The following TMEM156 variants were observed in gnomAD, a reference collection of about 807,000 sequenced individuals.
The protein encoded by TMEM156 is transmembrane protein 156.
A neutral mutation model predicts 30.5 loss-of-function variants in TMEM156; 28 were observed. That is an observed-to-expected ratio of 0.92 (90% CI 0.68 to 1.26). The LOEUF is 1.26. Ranked by LOEUF, TMEM156 falls within the 50% of genes most tolerant of loss-of-function variation. TMEM156 has a pLI of 0.00. For synonymous variants in TMEM156, 137 were observed against 119.9 expected, an observed-to-expected ratio of 1.14 and a Z score of -0.93; for missense variants, 351 against 340.6, an observed-to-expected ratio of 1.03 and a Z score of -0.24.
chr4:39,012,207 ATACAT>A (rs1192568527), intron 1 of TMEM156, among the ~76,000 whole-genome samples: 1 of 152,248 alleles, frequency 6.6e-6, no homozygotes, highest in Non-Finnish European at 1.5e-5. Flanking sequence ...TATTAATGAA[ATACAT>A]TACATCAGTG....
intron 1 of TMEM156, among the ~76,000 whole-genome samples, chr4:39,026,040 C>G (rs887199156): frequency 1.3e-5 from 2 of 152,104 alleles, no homozygotes; most frequent in South Asian, 4.1e-4. Flanking sequence ...CTCTTAATTG[C>G]TTGAAACACA....
intron 2 of TMEM156, among the ~76,000 whole-genome samples, chr4:38,995,090 G>A (rs1712836146): frequency 6.6e-6 from 1 of 152,140 alleles, no homozygotes; most frequent in South Asian, 2.1e-4. Context: ...CATTGACTTG[G>A]AGATGCATCA....
At position 38,993,949 on chromosome 4, in the gene TMEM156, T is replaced by G; in HGVS notation, c.408A>C (p.Ser136=). ...CACTGAAGTTAAAGTGCTGACAAGG[T>G]GAATGAAAATCATTTGCTTTCACTT... ...SMEVKANDFH[S]PCQHFNFSVA... is the part of the protein sequence containing the mutation. Residue 136 remains serine, a synonymous_variant, in exon 3 of 7, where the codon TCA becomes TCC. Coordinates refer to ENST00000381938, the MANE Select transcript of TMEM156 (RefSeq NM_024943.3). The G allele has an allele frequency of 6.2e-7, 1 of 1,613,984 alleles. No homozygotes were observed. Among genetic ancestry groups the G allele is most frequent in the African/African-American group, 1.3e-5 (1 of 75,030 alleles).
chr4:39,004,779 G>C (rs1713613889), intron 1 of TMEM156, among the ~76,000 whole-genome samples: 1 of 152,048 alleles, frequency 6.6e-6, no homozygotes, highest in Non-Finnish European at 1.5e-5. Flanking sequence ...CTCATACATT[G>C]CTGGTAGGAA....
chr4:38,980,309 T>C (rs970243607), intron 5 of TMEM156, among the ~76,000 whole-genome samples: 2 of 152,208 alleles, frequency 1.3e-5, no homozygotes. Flanking sequence ...TGATGAAGTG[T>C]TTAACCATTT....
At chr4:39,018,192 T>C (rs940226264) in intron 1 of TMEM156, among the ~76,000 whole-genome samples, 3 of 152,222 alleles carry the variant, frequency 2.0e-5, no homozygotes. Context: ...ATTTTTAACA[T>C]GCATTCTTAA....
At chr4:38,978,078 A>G (rs756671929) in intron 5 of TMEM156, among the ~76,000 whole-genome samples, 21 of 152,030 alleles carry the variant, frequency 1.4e-4, no homozygotes, top group Non-Finnish European at 2.5e-4. Context: ...GGTCCTGATG[A>G]TTTTCATGTC....
chr4:38,994,041 C>T (rs764013898), intron 2 of TMEM156, 43 bp from the exon 3 acceptor site: 4 of 1,544,360 alleles, frequency 2.6e-6, no homozygotes, highest in Non-Finnish European at 2.7e-6. Flanking sequence ...AATATTAATA[C>T]ATAGCAAGAA....
chr4:38,999,213 C>A (rs1192002512), intron 1 of TMEM156, among the ~76,000 whole-genome samples: 1 of 150,178 alleles, frequency 6.7e-6, no homozygotes, highest in Non-Finnish European at 1.5e-5. Flanking sequence ...GCCTCCCAGG[C>A]TCAGGCAATT....
chr4:38,976,463 C>T (rs1021994548), intron 5 of TMEM156, among the ~76,000 whole-genome samples: 11 of 152,032 alleles, frequency 7.2e-5, no homozygotes, highest in African/African-American at 1.7e-4. Context: ...TCCCATAACC[C>T]GAGTGAGCGT....
At chr4:39,025,656 G>C (rs181697534) in intron 1 of TMEM156, among the ~76,000 whole-genome samples, 3 of 152,262 alleles carry the variant, frequency 2.0e-5, no homozygotes, top group African/African-American at 7.2e-5. Flanking sequence ...TTGAAAGGCA[G>C]GTTTGAGACA....
chr4:39,014,117 CTTT>C (rs1438250226), intron 1 of TMEM156, among the ~76,000 whole-genome samples: 6 of 152,104 alleles, frequency 3.9e-5, no homozygotes, highest in Non-Finnish European at 7.4e-5. Context: ...ATAAAATATT[CTTT>C]ATTTCCCAAC....
intron 1 of TMEM156, among the ~76,000 whole-genome samples, chr4:39,020,485 C>T (rs1714789473): frequency 6.6e-6 from 1 of 152,202 alleles, no homozygotes; most frequent in African/African-American, 2.4e-5. Flanking sequence ...ATCCTCCCAA[C>T]TCAGCCTCCC....
intron 1 of TMEM156, among the ~76,000 whole-genome samples, chr4:39,007,443 A>C (rs1433092881): frequency 6.6e-6 from 1 of 151,546 alleles, no homozygotes; most frequent in Non-Finnish European, 1.5e-5. Context: ...TTATTTATCT[A>C]TTTTTTATTT....
Position 38,998,778 on chromosome 4 carries a change from A to G in TMEM156, c.220T>C (p.Phe74Leu), listed in dbSNP as rs771199957. 6 of 1,613,888 alleles carry G rather than the reference A, an allele frequency of 3.7e-6. No individual in the cohort carries two copies. The highest frequency in any genetic ancestry group is 4.2e-6 in the Non-Finnish European group (5 of 1,179,970). ...TTACGAAAATTGGAGGGATTTAGAA[A>G]GATTCTCATGATAATCTGAGTTTCC... ...VRETQIIMRI[F>L]LNPSNFRNFT... The change falls in exon 2 of 7, where the codon TTT (phenylalanine) becomes CTT (leucine). Residue 74 changes from phenylalanine (F) to leucine (L), a missense_variant. Physicochemically the swap from Phe to Leu is conservative, Grantham distance 22. Transcript: ENST00000381938.
intron 1 of TMEM156, among the ~76,000 whole-genome samples, chr4:39,016,573 G>A (rs1217307182): frequency 6.6e-6 from 1 of 152,094 alleles, no homozygotes; most frequent in Non-Finnish European, 1.5e-5. Context: ...TATTGCATAA[G>A]TTTAAACAGA....
intron 5 of TMEM156, among the ~76,000 whole-genome samples, chr4:38,973,757 T>A (rs1206263926): frequency 6.6e-6 from 1 of 152,210 alleles, no homozygotes; most frequent in African/African-American, 2.4e-5. Flanking sequence ...GTGGACACCC[T>A]GGAAAATTTC....
chr4:39,022,017 T>C (rs1714902092), intron 1 of TMEM156, among the ~76,000 whole-genome samples: 2 of 152,240 alleles, frequency 1.3e-5, no homozygotes, highest in Non-Finnish European at 2.9e-5. Flanking sequence ...TTTTTGATAA[T>C]AGCTATTGTT....
chr4:38,990,926 C>T (rs1220193635), intron 3 of TMEM156, among the ~76,000 whole-genome samples: 6 of 145,766 alleles, frequency 4.1e-5, no homozygotes, highest in African/African-American at 1.2e-4. Context: ...CTCCACCTCC[C>T]GGGTTCAAGC....
Sources: allele counts gnomAD v4.1 joint callset (sites outside exome capture counted in the v4.1 genomes callset), GRCh38; gene constraint gnomAD v4.1.1; transcripts MANE v1.5; gene names NCBI Gene and HGNC (gene_info 2026-07-23, HGNC 2026-07-21).